SLC24A2: variants seen among roughly 807,000 people sequenced by gnomAD.
SLC24A2 encodes the protein sodium/potassium/calcium exchanger 2.
SLC24A2 carries 36 observed loss-of-function variants against 62.0 expected under a neutral mutation model. That is an observed-to-expected ratio of 0.58 (90% CI 0.44 to 0.77). SLC24A2 has a LOEUF of 0.77. Among genes scored for constraint, SLC24A2 ranks in the 30% least tolerant of loss-of-function variants. The pLI is 0.00. For missense variants in SLC24A2, 846 were observed against 817.9 expected (o/e 1.03, Z -0.42); for synonymous variants, 358 against 294.0 (o/e 1.22, Z -2.23).
intron 2 of SLC24A2, among the ~76,000 whole-genome samples, chr9:19,708,172 G>A (rs1252165274): frequency 1.3e-5 from 2 of 152,102 alleles, no homozygotes; most frequent in South Asian, 4.1e-4. Flanking sequence ...CAAAGAGAAT[G>A]AAATACCTAG....
the SLC24A2 span, among the ~76,000 whole-genome samples, chr9:19,817,195 C>T: frequency 6.6e-6 from 1 of 151,990 alleles, no homozygotes. Context: ...TCTTAAATCT[C>T]TGCTTCAGTC....
the SLC24A2 span, among the ~76,000 whole-genome samples, chr9:20,105,283 G>T: frequency 6.6e-6 from 1 of 152,146 alleles, no homozygotes; most frequent in Non-Finnish European, 1.5e-5. Flanking sequence ...ACATTAGACA[G>T]ATCAACGAGA....
At chr9:19,812,994 A>G in the SLC24A2 span, among the ~76,000 whole-genome samples, 3 of 152,206 alleles carry the variant, frequency 2.0e-5, no homozygotes, top group Non-Finnish European at 4.4e-5. Context: ...TCTGTTTTCC[A>G]GAGGCTTTCT....
the SLC24A2 span, among the ~76,000 whole-genome samples, chr9:20,116,478 G>A: frequency 6.6e-5 from 10 of 152,050 alleles, no homozygotes; most frequent in South Asian, 2.1e-4. Flanking sequence ...TCATAACAAC[G>A]GATTCAGTTC....
the SLC24A2 span, among the ~76,000 whole-genome samples, chr9:19,978,707 G>A: frequency 6.6e-6 from 1 of 152,018 alleles, no homozygotes; most frequent in East Asian, 1.9e-4. Flanking sequence ...TTAGGGGTAA[G>A]GCAGTGAAGA....
intron 2 of SLC24A2, among the ~76,000 whole-genome samples, chr9:19,785,497 T>C (rs1812845902): frequency 1.3e-5 from 2 of 152,236 alleles, no homozygotes; most frequent in South Asian, 4.1e-4. Flanking sequence ...ACAAACTTTC[T>C]TCCTCAGACA....
chr9:19,663,383 T>C (rs1291700535), intron 2 of SLC24A2, among the ~76,000 whole-genome samples: 1 of 152,158 alleles, frequency 6.6e-6, no homozygotes, highest in Admixed American at 6.6e-5. Context: ...AGGGGTAGTC[T>C]CTATACAGAT....
chr9:19,616,796 A>C (rs936804694), intron 4 of SLC24A2, among the ~76,000 whole-genome samples: 1 of 152,078 alleles, frequency 6.6e-6, no homozygotes, highest in African/African-American at 2.4e-5. Context: ...TTAAAGGTTC[A>C]TTGGCAGATG....
the SLC24A2 span, among the ~76,000 whole-genome samples, chr9:20,250,460 G>A: frequency 6.6e-6 from 1 of 152,314 alleles, no homozygotes; most frequent in South Asian, 2.1e-4. Flanking sequence ...CCCTTCAGGA[G>A]CCATAACCAC....
Position 19,625,042 on chromosome 9 carries a change from T to C in SLC24A2, c.931-2743A>G, listed in dbSNP as rs190097616. On this transcript the variant is annotated intron_variant, in intron 2 of 10. Coordinates refer to ENST00000341998, the MANE Select transcript of SLC24A2 (RefSeq NM_020344.4). ...GCCAGTGGGTTTTGGGTTGGCCTAGTGTTGTGAATTTATTTTCAAGGCCAT... is the reference window on the plus strand; with the variant it reads ...GCCAGTGGGTTTTGGGTTGGCCTAGCGTTGTGAATTTATTTTCAAGGCCAT... 7.8e-4 allele frequency among the ~76,000 whole-genome samples: 119 copies of C among 152,298 alleles called. 1 individual carries two copies. The highest frequency in any genetic ancestry group is 6.3e-3 in the Admixed American group (96 of 15,288).
At chr9:19,593,624 G>A (rs9792671) in intron 5 of SLC24A2, among the ~76,000 whole-genome samples, 139,753 of 152,232 alleles carry the variant, frequency 0.92, 64,373 homozygotes, top group African/African-American at 0.95. Context: ...TGTCCACACC[G>A]TGATGCCCTC....
At chr9:20,105,836 G>A in the SLC24A2 span, among the ~76,000 whole-genome samples, 31,095 of 151,470 alleles carry the variant, frequency 0.21, 3,621 homozygotes, top group East Asian at 0.56. Flanking sequence ...AAGGCAAGAA[G>A]TAACTAAAAT....
the SLC24A2 span, among the ~76,000 whole-genome samples, chr9:19,883,384 A>C: frequency 6.6e-6 from 1 of 152,298 alleles, no homozygotes; most frequent in Non-Finnish European, 1.5e-5. Flanking sequence ...AATTTAATAG[A>C]GATAAGAAAT....
intron 2 of SLC24A2, among the ~76,000 whole-genome samples, chr9:19,776,734 T>A (rs1249107705): frequency 6.6e-6 from 1 of 151,950 alleles, no homozygotes; most frequent in Non-Finnish European, 1.5e-5. Flanking sequence ...AGAAAAAGAG[T>A]TGGGTGATAT....
the SLC24A2 span, among the ~76,000 whole-genome samples, chr9:20,257,856 T>G: frequency 2.0e-5 from 3 of 152,204 alleles, no homozygotes; most frequent in African/African-American, 7.2e-5. Flanking sequence ...CTCACTGGCT[T>G]GACATCACCA....
the SLC24A2 span, among the ~76,000 whole-genome samples, chr9:20,154,540 G>A: frequency 6.6e-6 from 1 of 151,604 alleles, no homozygotes; most frequent in Admixed American, 6.6e-5. Flanking sequence ...ATGGGTCTTA[G>A]GCTTCCAAAA....
chr9:20,104,928 C>T, the SLC24A2 span, among the ~76,000 whole-genome samples: 1 of 152,132 alleles, frequency 6.6e-6, no homozygotes, highest in Non-Finnish European at 1.5e-5. Flanking sequence ...TCAAGACCCA[C>T]CAGTGTGCTG....
At chr9:19,519,224 C>A (rs899388921) in intron 10 of SLC24A2, among the ~76,000 whole-genome samples, 1 of 151,978 alleles carries the variant, frequency 6.6e-6, no homozygotes, top group Non-Finnish European at 1.5e-5. Context: ...TAAAAGCCTT[C>A]CAAGTAGATA....
At chr9:20,074,721 A>G in the SLC24A2 span, among the ~76,000 whole-genome samples, 25 of 152,106 alleles carry the variant, frequency 1.6e-4, no homozygotes, top group African/African-American at 2.9e-4. Flanking sequence ...ACACAGGTCA[A>G]TATAGATCAA....
Sources: allele counts gnomAD v4.1 joint callset (sites outside exome capture counted in the v4.1 genomes callset), GRCh38; gene constraint gnomAD v4.1.1; transcripts MANE v1.5; gene names NCBI Gene and HGNC (gene_info 2026-07-23, HGNC 2026-07-21).